ENTREP2: variants seen among roughly 807,000 people sequenced by gnomAD.
ENTREP2 encodes the protein endosomal transmembrane epsin interactor 2, also known as protein ENTREP2.
chr15:29,444,484 C>CTTTTTTTTTTTTTTTT, the ENTREP2 span, among the ~76,000 whole-genome samples: 3 of 126,082 alleles, frequency 2.4e-5, no homozygotes, highest in African/African-American at 5.9e-5. Context: ...TCTTTTTTTT[C>CTTTTTTTTTTTTTTTT]TTTTTTTTTT....
chr15:29,290,846 G>C, the ENTREP2 span, among the ~76,000 whole-genome samples: 1 of 152,200 alleles, frequency 6.6e-6, no homozygotes, highest in African/African-American at 2.4e-5. Flanking sequence ...AGCACTGTGG[G>C]AGCCAAAGGG....
At chr15:29,452,165 T>C in the ENTREP2 span, among the ~76,000 whole-genome samples, 8 of 152,300 alleles carry the variant, frequency 5.3e-5, no homozygotes, top group East Asian at 1.5e-3. Flanking sequence ...TTATTGACAC[T>C]AAGGCACAAA....
At chr15:29,669,731 C>T in the ENTREP2 span, among the ~76,000 whole-genome samples, 1 of 152,140 alleles carries the variant, frequency 6.6e-6, no homozygotes, top group African/African-American at 2.4e-5. Flanking sequence ...GGAGGGTTTT[C>T]CAGCGGCTCC....
the ENTREP2 span, among the ~76,000 whole-genome samples, chr15:29,429,311 T>C: frequency 6.6e-6 from 1 of 152,198 alleles, no homozygotes; most frequent in Non-Finnish European, 1.5e-5. Flanking sequence ...AGCCTCAACC[T>C]TTCAGGCTCC....
the ENTREP2 span, among the ~76,000 whole-genome samples, chr15:29,469,606 C>G: frequency 0.51 from 77,996 of 151,888 alleles, 21,286 homozygotes; most frequent in African/African-American, 0.72. Flanking sequence ...TGTTGAATGA[C>G]TACAGAGTTT....
chr15:29,534,106 C>CA, the ENTREP2 span, among the ~76,000 whole-genome samples: 408 of 44,944 alleles, frequency 9.1e-3, 23 homozygotes, highest in Non-Finnish European at 0.013. Flanking sequence ...GCCCCTTGGC[C>CA]AAAAAAAAAA....
the ENTREP2 span, among the ~76,000 whole-genome samples, chr15:29,377,823 A>AAATAATAATAATAATAAT: frequency 9.1e-3 from 1,031 of 112,954 alleles, 10 homozygotes; most frequent in Middle Eastern, 0.02. Context: ...TCTGTCTCAA[A>AAATAATAATAATAATAAT]AATAATAATA....
At chr15:29,448,156 T>C in the ENTREP2 span, among the ~76,000 whole-genome samples, 1 of 152,184 alleles carries the variant, frequency 6.6e-6, no homozygotes, top group African/African-American at 2.4e-5. Flanking sequence ...TTCTCCTTTC[T>C]AATTAATGCT....
chr15:29,351,294 T>C, the ENTREP2 span, among the ~76,000 whole-genome samples: 951 of 152,334 alleles, frequency 6.2e-3, 3 homozygotes, highest in Middle Eastern at 0.01. Context: ...GTGCATAAAA[T>C]GTGATACAAT....
chr15:29,543,767 A>G, the ENTREP2 span, among the ~76,000 whole-genome samples: 1 of 150,938 alleles, frequency 6.6e-6, no homozygotes, highest in Non-Finnish European at 1.5e-5. Context: ...CAACAGAGCA[A>G]GACTCTATCT....
the ENTREP2 span, among the ~76,000 whole-genome samples, chr15:29,538,591 G>A: frequency 2.1e-5 from 3 of 143,106 alleles, no homozygotes; most frequent in Non-Finnish European, 4.5e-5. Context: ...TCAGGAGATC[G>A]AGACCATCCT....
At chr15:29,472,298 C>G in the ENTREP2 span, among the ~76,000 whole-genome samples, 12,988 of 152,098 alleles carry the variant, frequency 0.085, 633 homozygotes, top group African/African-American at 0.13. Context: ...AGGAGGAAAA[C>G]AGCTCTGGAA....
the ENTREP2 span, among the ~76,000 whole-genome samples, chr15:29,636,667 A>C: frequency 6.6e-6 from 1 of 152,140 alleles, no homozygotes; most frequent in Admixed American, 6.5e-5. Context: ...CCTGACACCA[A>C]CATAATTTTT....
the ENTREP2 span, among the ~76,000 whole-genome samples, chr15:29,247,004 C>CACACAG: frequency 1.3e-5 from 2 of 151,884 alleles, no homozygotes; most frequent in African/African-American, 4.8e-5. Context: ...CACACACACA[C>CACACAG]ACACACACAC....
At chr15:29,356,464 C>T in the ENTREP2 span, among the ~76,000 whole-genome samples, 11 of 151,052 alleles carry the variant, frequency 7.3e-5, no homozygotes, top group East Asian at 1.8e-3. Flanking sequence ...CACTACCACA[C>T]CCAGCTAATT....
At chr15:29,640,569 G>T in the ENTREP2 span, among the ~76,000 whole-genome samples, 7 of 152,024 alleles carry the variant, frequency 4.6e-5, no homozygotes, top group African/African-American at 1.5e-4. Context: ...AGATGGAGGT[G>T]GAAAGATTGC....
chr15:29,278,063 GA>G, the ENTREP2 span, among the ~76,000 whole-genome samples: 1 of 152,238 alleles, frequency 6.6e-6, no homozygotes, highest in Admixed American at 6.5e-5. Flanking sequence ...AGAAACAGGT[GA>G]CTGTAGGAGT....
At chr15:29,238,525 C>T in the ENTREP2 span, among the ~76,000 whole-genome samples, 1 of 152,000 alleles carries the variant, frequency 6.6e-6, no homozygotes, top group Admixed American at 6.6e-5. Flanking sequence ...GTCCCAGCTA[C>T]TCGGGAGGCT....
the ENTREP2 span, among the ~76,000 whole-genome samples, chr15:29,301,384 T>C: frequency 1.6e-4 from 25 of 152,376 alleles, no homozygotes; most frequent in East Asian, 7.7e-4. Context: ...CTTTTACTTA[T>C]GCATGTCCTT....
Sources: allele counts gnomAD v4.1 joint callset (sites outside exome capture counted in the v4.1 genomes callset), GRCh38; gene constraint gnomAD v4.1.1; transcripts MANE v1.5; gene names NCBI Gene and HGNC (gene_info 2026-07-23, HGNC 2026-07-21).